Variants in MDN1 observed in about 807,000 individuals in gnomAD.
MDN1 encodes the protein midasin AAA ATPase 1, also known as midasin.
Under a neutral mutation model 669.2 loss-of-function variants are expected in MDN1, and 266 were observed. The ratio of observed to expected loss-of-function variants is 0.40; its 90% CI spans 0.36 to 0.44. MDN1 has a LOEUF of 0.44. Among genes scored for constraint, MDN1 ranks in the 20% least tolerant of loss-of-function variants. The pLI is 1.00. For synonymous variants in MDN1, 2,385 were observed against 2,457.1 expected, an observed-to-expected ratio of 0.97 and a Z score of 0.87; for missense variants, 5,940 against 6,754.0, an observed-to-expected ratio of 0.88 and a Z score of 4.22.
At chr6:89,776,123 T>C (rs1818342932) in intron 12 of MDN1, among the ~76,000 whole-genome samples, 1 of 152,186 alleles carries the variant, frequency 6.6e-6, no homozygotes, top group Non-Finnish European at 1.5e-5. Context: ...AAATGCTCAC[T>C]AAAACACTGA....
At chr6:89,750,747 C>A (rs571389540) in intron 23 of MDN1, among the ~76,000 whole-genome samples, 66 of 152,092 alleles carry the variant, frequency 4.3e-4, no homozygotes, top group Non-Finnish European at 8.7e-4. Context: ...GGACTACAGA[C>A]ATGCACCACC....
chr6:89,690,317 A>C (rs924332320), intron 64 of MDN1, among the ~76,000 whole-genome samples, 174 bp from the exon 65 acceptor site: 11 of 152,232 alleles, frequency 7.2e-5, no homozygotes, highest in Admixed American at 2.0e-4. Flanking sequence ...TCACACCTGT[A>C]ATCCCTGTGC....
chr6:89,689,739 G>T (rs1008188025), intron 65 of MDN1, 131 bp downstream of exon 65: 27 of 1,132,408 alleles, frequency 2.4e-5, no homozygotes, highest in Middle Eastern at 3.0e-4. Context: ...AGTTCTTTAA[G>T]CCAAGGAAAC....
At position 89,654,145 on chromosome 6, in the gene MDN1, G is replaced by C. The variant is rs1272926114; in HGVS notation, c.15661+19C>G. 6.2e-7 allele frequency: 1 copy of C among 1,613,806 alleles called. No individual in the cohort carries two copies. Among genetic ancestry groups the C allele is most frequent in the Non-Finnish European group, 8.5e-7 (1 of 1,179,838 alleles). On this transcript the variant is annotated intron_variant, in intron 93 of 101. Transcript: ENST00000369393. Reference sequence around the variant, plus strand: ...AAGTCAGAGCGCCTGGGAAGGGTTTGTTCACTAGCAGGACTCACCCAAGGG... The same window carrying C: ...AAGTCAGAGCGCCTGGGAAGGGTTTCTTCACTAGCAGGACTCACCCAAGGG...
intron 50 of MDN1, among the ~76,000 whole-genome samples, chr6:89,709,857 T>C (rs1158764442): frequency 6.6e-6 from 1 of 152,206 alleles, no homozygotes; most frequent in Non-Finnish European, 1.5e-5. Context: ...TCAGATATCT[T>C]AGATGTCTAT....
intron 29 of MDN1, 122 bp downstream of exon 29, chr6:89,745,151 A>AAAG: frequency 9.5e-7 from 1 of 1,050,466 alleles, no homozygotes; most frequent in Non-Finnish European, 1.3e-6. Flanking sequence ...AAAAAAAAAA[A>AAAG]AGAAAAAAGA....
In MDN1 at chr6:89,674,196, C is replaced by G; in HGVS notation, c.13155G>C (p.Thr4385=). 1 of 1,614,222 alleles carries G rather than the reference C, an allele frequency of 6.2e-7. No homozygotes were observed. The highest frequency in any genetic ancestry group is 2.2e-5 in the East Asian group (1 of 44,884). ...KQDHLWQQST[T]RLTEMLKTIK... ...TGGTTTTTAGCATCTCTGTTAATCT[C>G]GTAGTTGACTGTTGCCAAAGGTGAT... Residue 4385 remains threonine, a synonymous_variant, in exon 79 of 102, where the codon ACG becomes ACC. Coordinates refer to ENST00000369393, the MANE Select transcript of MDN1 (RefSeq NM_014611.3).
Position 89,761,657 on chromosome 6 carries a change from G to A in MDN1, c.2448C>T (p.Phe816=), listed in dbSNP as rs368899195. 1.5e-4 allele frequency: 239 copies of A among 1,606,446 alleles called. 1 individual carries two copies. The East Asian group carries it at 3.1e-3, about 21-fold the overall frequency. Residue 816 remains phenylalanine, a synonymous_variant, in exon 17 of 102, where the codon TTC becomes TTT. Transcript: ENST00000369393. Reference sequence around the variant, plus strand: ...AAAACAGAAATACCTCTACAAATGCGAACAATAAGGTATTTTCAGTCATTT... The same window carrying A: ...AAAACAGAAATACCTCTACAAATGCAAACAATAAGGTATTTTCAGTCATTT... The part of the protein sequence containing the change: ...QMKMTENTLL[F]AFVEGTLAQA...
At chr6:89,781,978 G>A (rs189441554) in intron 9 of MDN1, among the ~76,000 whole-genome samples, 12 of 152,096 alleles carry the variant, frequency 7.9e-5, no homozygotes, top group African/African-American at 2.9e-4. Context: ...CTCAAAAAAC[G>A]TAAATAAATA....
At chr6:89,674,020 A>ACCCTT in intron 79 of MDN1, 84 bp downstream of exon 79, 2 of 1,489,936 alleles carry the variant, frequency 1.3e-6, no homozygotes, top group Non-Finnish European at 1.8e-6. Context: ...TTCTGTTCAC[A>ACCCTT]CCCTTCCCTT....
intron 11 of MDN1, 64 bp from the exon 12 acceptor site, chr6:89,776,759 C>A: frequency 2.6e-6 from 3 of 1,170,604 alleles, no homozygotes; most frequent in Non-Finnish European, 2.4e-6. Flanking sequence ...CACAGAACAT[C>A]ATTTTCCTGG....
rs1025197746 is a variant in MDN1, at chr6:89,809,335, G to A, written c.103-5781C>T. On this transcript the variant is annotated intron_variant, in intron 1 of 101. Transcript: ENST00000369393. Reference sequence around the variant, plus strand: ...TATCTTCCCAGATTTATAGAGAAAAGACTATATATACAAGACTGAACATAG... The same window carrying A: ...TATCTTCCCAGATTTATAGAGAAAAAACTATATATACAAGACTGAACATAG... Among the ~76,000 whole-genome samples, 5 of 150,004 alleles carry A rather than the reference G, an allele frequency of 3.3e-5. No homozygotes were observed. The South Asian group carries it at 1.1e-3, about 32-fold the overall frequency.
rs1815204872 is a variant in MDN1 at position 89,725,955 on chromosome 6, A to T, written c.5473-559T>A. On this transcript the variant is annotated intron_variant, in intron 37 of 101. Coordinates refer to ENST00000369393, the MANE Select transcript of MDN1 (RefSeq NM_014611.3). ...TACACACACACACACACACACACAC[A>T]CACACACACACACGTATATATACAC... Among the ~76,000 whole-genome samples the T allele has an allele frequency of 2.0e-5, 3 of 151,744 alleles. No individual in the cohort carries two copies. The South Asian group carries it at 6.3e-4, about 32-fold the overall frequency.
At chr6:89,654,658 G>A (rs567139216) in intron 92 of MDN1, among the ~76,000 whole-genome samples, 16 of 152,146 alleles carry the variant, frequency 1.1e-4, no homozygotes, top group Non-Finnish European at 8.8e-5. Context: ...ACAAAATAGG[G>A]TGTTTAACTG....
intron 34 of MDN1, among the ~76,000 whole-genome samples, chr6:89,731,425 C>T (rs1815584996): frequency 1.3e-5 from 2 of 152,056 alleles, no homozygotes; most frequent in African/African-American, 4.8e-5. Flanking sequence ...TGGAATACTA[C>T]GCAGCCATAA....
Position 89,644,184 on chromosome 6 carries a change from A to G in MDN1, c.16612T>C (p.Leu5538=). Residue 5538 remains leucine, a synonymous_variant, in exon 102 of 102, where the codon TTG becomes CTG. Coordinates refer to ENST00000369393, the MANE Select transcript of MDN1 (RefSeq NM_014611.3). ...LDNPSSRDSI[L]DIKVPIFKGP... Reference sequence around the variant, plus strand: ...TTAAATATCGGTACTTTAATGTCCAAGATAGAATCCTGTCAACAAAAGACA... The same window carrying G: ...TTAAATATCGGTACTTTAATGTCCAGGATAGAATCCTGTCAACAAAAGACA... 6 of 1,609,388 alleles carry G rather than the reference A, an allele frequency of 3.7e-6. No individual in the cohort carries two copies. Among genetic ancestry groups the G allele is most frequent in the Non-Finnish European group, 5.1e-6 (6 of 1,178,214 alleles).
At chr6:89,686,794 T>C (rs1812039027) in intron 69 of MDN1, 108 bp downstream of exon 69, 6 of 1,427,658 alleles carry the variant, frequency 4.2e-6, no homozygotes, top group Non-Finnish European at 4.8e-6. Flanking sequence ...GGCATTCCCA[T>C]GAAAGCCATG....
At position 89,669,650 on chromosome 6, in the gene MDN1, C is replaced by A. The variant is rs181456944; in HGVS notation, c.13956+1269G>T. On this transcript the variant is annotated intron_variant, in intron 83 of 101. Coordinates refer to ENST00000369393, the MANE Select transcript of MDN1 (RefSeq NM_014611.3). ...TAAGAACAAAAACAAAACTTATATA[C>A]TCAAATGCAGGTGGTTCTCACAAAA... Among the ~76,000 whole-genome samples, 11 of 152,238 alleles carry A rather than the reference C, an allele frequency of 7.2e-5. 1 individual carries two copies. Among genetic ancestry groups the A allele is most frequent in the Admixed American group, 6.5e-4 (10 of 15,294 alleles).
rs545640733 is a variant in MDN1, at chr6:89,670,048, C to G, written c.13956+871G>C. Reference sequence around the variant, plus strand: ...TGAAACCCTGTCTCTACTAAAAATACAAAAATTAGCCAGGCGTGGTGGCAC... The same window carrying G: ...TGAAACCCTGTCTCTACTAAAAATAGAAAAATTAGCCAGGCGTGGTGGCAC... On this transcript the variant is annotated intron_variant, in intron 83 of 101. Transcript: ENST00000369393. Among the ~76,000 whole-genome samples, 9 of 144,500 alleles carry G rather than the reference C, an allele frequency of 6.2e-5. No homozygotes were observed. In the East Asian group the frequency reaches 1.9e-3, roughly 31 times the overall value. 94.8% of individuals were successfully genotyped at this position (144,500 alleles called of 152,430 possible). A position where few individuals can be genotyped will look rare whatever the true frequency, so the allele number is the denominator to read the frequency against.
Sources: gnomAD v4.1 joint callset for allele counts (sites outside exome capture counted in the v4.1 genomes callset) on GRCh38, gnomAD v4.1.1 for gene constraint, MANE v1.5 for transcripts, NCBI Gene and HGNC (gene_info 2026-07-23, HGNC 2026-07-21) for gene names.